Variants in BLTP3A observed in about 807,000 individuals in gnomAD.
BLTP3A encodes ICBP90 binding protein 1.
the BLTP3A span, among the ~76,000 whole-genome samples, chr6:34,799,151 G>A: frequency 6.6e-6 from 1 of 151,802 alleles, no homozygotes; most frequent in Non-Finnish European, 1.5e-5. Context: ...CATGTTGGCC[G>A]GGCTGGTCTT....
chr6:34,854,167 A>G, the BLTP3A span, among the ~76,000 whole-genome samples: 1 of 152,186 alleles, frequency 6.6e-6, no homozygotes, highest in Non-Finnish European at 1.5e-5. Flanking sequence ...GGTTGCAGTG[A>G]GCAGAGTTAG....
chr6:34,857,370 C>T, the BLTP3A span: 30 of 1,614,082 alleles, frequency 1.9e-5, no homozygotes, highest in Middle Eastern at 8.2e-4. Context: ...CATCTACACT[C>T]CTTTCCTGCA....
the BLTP3A span, chr6:34,835,369 C>T: frequency 6.2e-7 from 1 of 1,614,066 alleles, no homozygotes; most frequent in Non-Finnish European, 8.5e-7. Context: ...GACTGACTCA[C>T]AGCTCAAGGC....
the BLTP3A span, among the ~76,000 whole-genome samples, chr6:34,837,514 T>C: frequency 4.8e-5 from 7 of 144,724 alleles, no homozygotes; most frequent in South Asian, 4.2e-4. Flanking sequence ...TGAGACTCCA[T>C]CTCTTAAAAA....
chr6:34,801,409 GA>G, the BLTP3A span, among the ~76,000 whole-genome samples: 122 of 152,264 alleles, frequency 8.0e-4, no homozygotes, highest in Non-Finnish European at 1.4e-3. Context: ...GAGCTGGGGA[GA>G]GGGGGGAAAA....
At chr6:34,815,777 G>T in the BLTP3A span, among the ~76,000 whole-genome samples, 2 of 151,900 alleles carry the variant, frequency 1.3e-5, no homozygotes, top group Non-Finnish European at 2.9e-5. Flanking sequence ...CAAGTAGCTG[G>T]GATTACAGGC....
the BLTP3A span, among the ~76,000 whole-genome samples, chr6:34,803,800 C>T: frequency 7.3e-5 from 11 of 151,484 alleles, no homozygotes; most frequent in African/African-American, 2.4e-4. Flanking sequence ...GTAGAAAATC[C>T]GAGTAAGGAG....
At chr6:34,856,255 TTG>T in the BLTP3A span, 1 of 1,613,566 alleles carries the variant, frequency 6.2e-7, no homozygotes, top group Non-Finnish European at 8.5e-7. Context: ...GCTGCAAACA[TTG>T]GGTACGCCAC....
the BLTP3A span, chr6:34,873,927 A>G: frequency 2.7e-5 from 4 of 150,778 alleles, no homozygotes; most frequent in East Asian, 1.9e-4. Context: ...ATTTGACTAG[A>G]AAAAAAAAAT....
At chr6:34,855,773 T>C in the BLTP3A span, 2 of 1,602,226 alleles carry the variant, frequency 1.2e-6, no homozygotes, top group Non-Finnish European at 1.7e-6. Flanking sequence ...CCTGGATTCA[T>C]CCCTGACCGC....
At chr6:34,837,015 A>G in the BLTP3A span, among the ~76,000 whole-genome samples, 1 of 152,242 alleles carries the variant, frequency 6.6e-6, no homozygotes, top group Non-Finnish European at 1.5e-5. Flanking sequence ...CATTACCTCA[A>G]AAGTTGTTGT....
the BLTP3A span, among the ~76,000 whole-genome samples, chr6:34,795,287 C>T: frequency 6.6e-6 from 1 of 152,018 alleles, no homozygotes; most frequent in Non-Finnish European, 1.5e-5. Flanking sequence ...TGCTATGTTG[C>T]CCATGCTGGT....
chr6:34,823,304 G>A, the BLTP3A span: 1 of 1,613,872 alleles, frequency 6.2e-7, no homozygotes, highest in Admixed American at 1.7e-5. Context: ...AGGATCCTCG[G>A]CCCCCCAATG....
chr6:34,823,412 A>C, the BLTP3A span: 1 of 1,420,584 alleles, frequency 7.0e-7, no homozygotes, highest in Non-Finnish European at 9.8e-7. Flanking sequence ...TTTTAGTTAA[A>C]AAATAAAAAC....
the BLTP3A span, among the ~76,000 whole-genome samples, chr6:34,829,027 C>CAAAAAAAAAAAAAAAAAA: frequency 3.9e-5 from 2 of 50,724 alleles, no homozygotes; most frequent in African/African-American, 9.3e-5. Context: ...AACTCCATCT[C>CAAAAAAAAAAAAAAAAAA]AAAAAAAAAA....
chr6:34,867,213 T>G, the BLTP3A span: 3 of 1,596,644 alleles, frequency 1.9e-6, no homozygotes. Flanking sequence ...ATTTGTCCTC[T>G]TTTTCATGCA....
the BLTP3A span, among the ~76,000 whole-genome samples, chr6:34,810,182 T>G: frequency 6.6e-6 from 1 of 152,214 alleles, no homozygotes; most frequent in Admixed American, 6.5e-5. Flanking sequence ...GACTTTTCTC[T>G]GCTTCTTGGG....
At chr6:34,802,679 TCCAAA>T in the BLTP3A span, among the ~76,000 whole-genome samples, 1 of 152,168 alleles carries the variant, frequency 6.6e-6, no homozygotes, top group Non-Finnish European at 1.5e-5. Context: ...TTTTTAGTAG[TCCAAA>T]TCCTGGTGAT....
the BLTP3A span, among the ~76,000 whole-genome samples, chr6:34,812,845 A>G: frequency 6.6e-6 from 1 of 152,234 alleles, no homozygotes; most frequent in East Asian, 1.9e-4. Flanking sequence ...AAATGGCATT[A>G]GCTATATTAG....
Sources: allele counts gnomAD v4.1 joint callset (sites outside exome capture counted in the v4.1 genomes callset), GRCh38; gene constraint gnomAD v4.1.1; transcripts MANE v1.5; gene names NCBI Gene and HGNC (gene_info 2026-07-23, HGNC 2026-07-21).